CTNNA3: variants seen among roughly 807,000 people sequenced by gnomAD.
CTNNA3 encodes catenin alpha 3.
In CTNNA3, 76 loss-of-function variants were observed where a neutral mutation model predicts 95.7. The observed-to-expected ratio is 0.79, with a 90% CI of 0.66 to 0.96. The LOEUF (loss-of-function observed/expected upper bound fraction) is 0.96. Ranked by LOEUF, CTNNA3 falls within the 40% of genes least tolerant of loss-of-function variation. CTNNA3 has a pLI of 0.00. For synonymous variants in CTNNA3, 431 were observed against 374.4 expected (o/e 1.15, Z -1.74); for missense variants, 1,191 against 1,089.8 (o/e 1.09, Z -1.31).
intron 12 of CTNNA3, among the ~76,000 whole-genome samples, chr10:66,309,336 A>C (rs2091974168): frequency 6.6e-6 from 1 of 152,128 alleles, no homozygotes; most frequent in South Asian, 2.1e-4. Flanking sequence ...AGACATACAC[A>C]CAAATAGACG....
At chr10:66,786,868 G>A (rs1272734146) in intron 7 of CTNNA3, among the ~76,000 whole-genome samples, 9 of 152,116 alleles carry the variant, frequency 5.9e-5, no homozygotes, top group Non-Finnish European at 1.2e-4. Flanking sequence ...AGTCAGTTAA[G>A]TGGAAAGAAG....
chr10:67,156,448 C>CTGCAT (rs141472963), intron 7 of CTNNA3, among the ~76,000 whole-genome samples: 8,577 of 152,030 alleles, frequency 0.056, 351 homozygotes, highest in South Asian at 0.2. Context: ...ACTGGTTTTG[C>CTGCAT]TGCATTCCAT....
chr10:67,606,514 T>C (rs1014188979), intron 3 of CTNNA3, among the ~76,000 whole-genome samples: 2 of 152,226 alleles, frequency 1.3e-5, no homozygotes, highest in Admixed American at 6.5e-5. Context: ...AATTTATTTA[T>C]GTATAGACAA....
At chr10:66,609,990 A>G (rs1844270000) in intron 10 of CTNNA3, among the ~76,000 whole-genome samples, 1 of 152,140 alleles carries the variant, frequency 6.6e-6, no homozygotes, top group Non-Finnish European at 1.5e-5. Context: ...TTAGCAAACT[A>G]ACATGGAACA....
intron 11 of CTNNA3, among the ~76,000 whole-genome samples, chr10:66,447,534 C>A (rs75644468): frequency 0.38 from 56,609 of 149,832 alleles, 11,232 homozygotes; most frequent in African/African-American, 0.5. Flanking sequence ...ATCTACAACC[C>A]TCTGATCTTT....
At chr10:66,663,143 A>G (rs1011792871) in intron 9 of CTNNA3, among the ~76,000 whole-genome samples, 1 of 152,034 alleles carries the variant, frequency 6.6e-6, no homozygotes, top group African/African-American at 2.4e-5. Flanking sequence ...ACTATAATCT[A>G]TTCTCTACAC....
At chr10:67,688,601 G>A (rs1306253473) in intron 1 of CTNNA3, among the ~76,000 whole-genome samples, 2 of 152,144 alleles carry the variant, frequency 1.3e-5, no homozygotes, top group East Asian at 3.9e-4. Flanking sequence ...TTGGGGCCAG[G>A]CCATAGTGCA....
At chr10:65,944,055 T>C (rs1399001223) in intron 17 of CTNNA3, among the ~76,000 whole-genome samples, 1 of 152,238 alleles carries the variant, frequency 6.6e-6, no homozygotes, top group African/African-American at 2.4e-5. Flanking sequence ...TAAATGTCCC[T>C]AGGAATTGTT....
Position 66,610,124 on chromosome 10 carries a change from G to C in CTNNA3, c.1374+11568C>G, listed in dbSNP as rs138644130. Reference sequence around the variant, plus strand: ...AGAGTAGAGGATGGGAGGAGGAAGAGGATTAGGGAAAATAACTAATGGGTA... The same window carrying C: ...AGAGTAGAGGATGGGAGGAGGAAGACGATTAGGGAAAATAACTAATGGGTA... On this transcript the variant is annotated intron_variant, in intron 10 of 17. Coordinates refer to ENST00000433211, the MANE Select transcript of CTNNA3 (RefSeq NM_013266.4). Among the ~76,000 whole-genome samples, 465 of 152,194 alleles carry C rather than the reference G, an allele frequency of 3.1e-3. 3 individuals are homozygous for C. The highest frequency in any genetic ancestry group is 0.011 in the African/African-American group (449 of 41,518).
chr10:67,327,556 C>T (rs954371632), intron 5 of CTNNA3, among the ~76,000 whole-genome samples: 3 of 152,164 alleles, frequency 2.0e-5, no homozygotes, highest in Non-Finnish European at 4.4e-5. Flanking sequence ...GTATTGAGCC[C>T]CAACTTTGTT....
intron 15 of CTNNA3, among the ~76,000 whole-genome samples, chr10:66,016,671 A>G (rs934082601): frequency 1.3e-5 from 2 of 152,178 alleles, no homozygotes; most frequent in Admixed American, 1.3e-4. Context: ...TTAACTTAAA[A>G]GCTACTTTCT....
At chr10:66,792,891 C>A (rs1174864842) in intron 7 of CTNNA3, among the ~76,000 whole-genome samples, 1 of 152,044 alleles carries the variant, frequency 6.6e-6, no homozygotes. Context: ...TAGAAGTTTA[C>A]AGAGATGTTG....
intron 5 of CTNNA3, among the ~76,000 whole-genome samples, chr10:67,237,126 GTATATATATATATA>G (rs59511861): frequency 0.014 from 544 of 39,878 alleles, 29 homozygotes; most frequent in African/African-American, 0.052. Flanking sequence ...TATGGTGTAT[GTATATATATATATA>G]TATATATATA....
At chr10:66,646,406 C>T (rs933742311) in intron 9 of CTNNA3, among the ~76,000 whole-genome samples, 12 of 152,042 alleles carry the variant, frequency 7.9e-5, no homozygotes, top group Non-Finnish European at 1.5e-5. Context: ...AACAATAACT[C>T]AGTCACAGCA....
chr10:67,502,765 TG>T (rs1839274179), intron 5 of CTNNA3, among the ~76,000 whole-genome samples: 1 of 152,198 alleles, frequency 6.6e-6, no homozygotes. Context: ...TTGTTTACAT[TG>T]TGAGGGGAAA....
chr10:67,725,735 C>A (rs984523913), intron 1 of CTNNA3, among the ~76,000 whole-genome samples: 8 of 151,618 alleles, frequency 5.3e-5, no homozygotes, highest in Non-Finnish European at 1.2e-4. Context: ...AACCTATGTT[C>A]TAAATGTTAG....
chr10:66,749,009 C>CA (rs61130950), intron 9 of CTNNA3, among the ~76,000 whole-genome samples: 8,550 of 138,186 alleles, frequency 0.062, 807 homozygotes, highest in African/African-American at 0.21. Flanking sequence ...CCATCTCTTC[C>CA]AAAAAAAAAA....
intron 5 of CTNNA3, among the ~76,000 whole-genome samples, chr10:67,518,572 T>C (rs1258992940): frequency 6.6e-6 from 1 of 152,118 alleles, no homozygotes; most frequent in African/African-American, 2.4e-5. Context: ...AACTCAATAA[T>C]GTCAACTTTA....
chr10:67,339,904 T>A (rs1842120157), intron 5 of CTNNA3, among the ~76,000 whole-genome samples: 1 of 152,182 alleles, frequency 6.6e-6, no homozygotes, highest in African/African-American at 2.4e-5. Context: ...CTTATGCCAA[T>A]ATACGACCAA....
Sources: gnomAD v4.1 joint callset for allele counts (sites outside exome capture counted in the v4.1 genomes callset) on GRCh38, gnomAD v4.1.1 for gene constraint, MANE v1.5 for transcripts, NCBI Gene and HGNC (gene_info 2026-07-23, HGNC 2026-07-21) for gene names.